The following KCNB2 variants were observed in gnomAD, a reference collection of about 807,000 sequenced individuals.
KCNB2 encodes delayed rectifier potassium channel protein.
A neutral mutation model predicts 61.5 loss-of-function variants in KCNB2; 15 were observed. The ratio of observed to expected loss-of-function variants is 0.24; its 90% CI spans 0.16 to 0.38. The LOEUF (loss-of-function observed/expected upper bound fraction) is 0.38. Ranked by LOEUF, KCNB2 falls within the 10% of genes least tolerant of loss-of-function variation. The pLI, the probability that KCNB2 is intolerant of heterozygous loss-of-function variation, is 1.00. For synonymous variants in KCNB2, 457 were observed against 446.0 expected (o/e 1.02, Z -0.31); for missense variants, 828 against 1,125.2 (o/e 0.74, Z 3.78).
chr8:72,826,332 T>G (rs983789564), intron 2 of KCNB2, among the ~76,000 whole-genome samples: 2 of 152,218 alleles, frequency 1.3e-5, no homozygotes, highest in Non-Finnish European at 2.9e-5. Flanking sequence ...CAAATCCTAC[T>G]GCAGTAGCAG....
chr8:72,860,209 G>A (rs1413252429), intron 2 of KCNB2, among the ~76,000 whole-genome samples: 1 of 152,156 alleles, frequency 6.6e-6, no homozygotes, highest in Non-Finnish European at 1.5e-5. Flanking sequence ...AGGTAGAATT[G>A]TTAGGTCATA....
chr8:72,588,227 T>TTC (rs1251980917), intron 2 of KCNB2, among the ~76,000 whole-genome samples: 1 of 150,580 alleles, frequency 6.6e-6, no homozygotes, highest in Non-Finnish European at 1.5e-5. Flanking sequence ...TCTTTTTTTT[T>TTC]TTTTTTTTGA....
At chr8:72,682,593 TAAAA>T (rs775865289) in intron 2 of KCNB2, among the ~76,000 whole-genome samples, 2 of 133,352 alleles carry the variant, frequency 1.5e-5, no homozygotes, top group Non-Finnish European at 1.6e-5. Flanking sequence ...AAGTTGAATT[TAAAA>T]AAAAAAAAAA....
In KCNB2 at chr8:72,789,347, A is replaced by G. The variant is rs146651914; in HGVS notation, c.580-146588A>G. Among the ~76,000 whole-genome samples the G allele has an allele frequency of 3.3e-3, 500 of 152,318 alleles. 1 individual carries two copies. Among genetic ancestry groups the G allele is most frequent in the Non-Finnish European group, 5.6e-3 (383 of 68,032 alleles). On this transcript the variant is annotated intron_variant, in intron 2 of 2. Coordinates refer to ENST00000523207, the MANE Select transcript of KCNB2 (RefSeq NM_004770.3). Reference sequence around the variant, plus strand: ...GAAAAGCAATAGACCTTAGGTGAGAATTCAGTTGTGTCCAATTCTTGAGTG... The same window carrying G: ...GAAAAGCAATAGACCTTAGGTGAGAGTTCAGTTGTGTCCAATTCTTGAGTG...
intron 2 of KCNB2, among the ~76,000 whole-genome samples, chr8:72,631,697 A>T (rs1563543977): frequency 6.6e-6 from 1 of 152,208 alleles, no homozygotes; most frequent in Non-Finnish European, 1.5e-5. Context: ...GTCACATGCT[A>T]ATATCAATAG....
At chr8:72,763,771 G>T (rs1808421785) in intron 2 of KCNB2, among the ~76,000 whole-genome samples, 1 of 152,122 alleles carries the variant, frequency 6.6e-6, no homozygotes, top group Non-Finnish European at 1.5e-5. Context: ...TATGATAAAA[G>T]ACTAAATACC....
At chr8:72,814,657 T>G (rs1324109337) in intron 2 of KCNB2, among the ~76,000 whole-genome samples, 1 of 152,194 alleles carries the variant, frequency 6.6e-6, no homozygotes, top group Non-Finnish European at 1.5e-5. Flanking sequence ...ACTTCATTAT[T>G]CAGATGATAA....
intron 2 of KCNB2, among the ~76,000 whole-genome samples, chr8:72,593,508 A>T (rs1318332558): frequency 1.3e-5 from 2 of 152,238 alleles, no homozygotes; most frequent in Non-Finnish European, 2.9e-5. Context: ...GTCGGTATTG[A>T]GAAAAGTAGT....
Position 72,936,183 on chromosome 8 carries a change from G to A in KCNB2, c.828G>A (p.Pro276=), listed in dbSNP as rs749539173. The change falls in exon 3 of 3, where the codon CCG becomes CCA. Residue 276 remains proline, a synonymous_variant. Coordinates refer to ENST00000523207, the MANE Select transcript of KCNB2 (RefSeq NM_004770.3). This position sits in a 1 kb window ranked among gnomAD's most constrained non-coding sequence, Gnocchi z 5.6. The part of the protein sequence containing the change: ...LNVIDLLAIL[P]YYVTIFLTES... ...TCATTGATTTGCTGGCCATCTTGCC[G>A]TACTATGTCACCATTTTTCTGACGG... The A allele has an allele frequency of 2.2e-5, 36 of 1,614,064 alleles. No individual in the cohort carries two copies. Among genetic ancestry groups the A allele is most frequent in the South Asian group, 5.5e-5 (5 of 91,092 alleles).
intron 2 of KCNB2, among the ~76,000 whole-genome samples, chr8:72,752,844 A>G (rs192057666): frequency 7.0e-4 from 106 of 152,314 alleles, no homozygotes; most frequent in African/African-American, 2.4e-3. Context: ...AAGATATCAC[A>G]CACACTCTAC....
At chr8:72,895,077 A>G (rs907767201) in intron 2 of KCNB2, among the ~76,000 whole-genome samples, 4 of 152,176 alleles carry the variant, frequency 2.6e-5, no homozygotes, top group Non-Finnish European at 5.9e-5. Context: ...AGTGAACACA[A>G]CAGAATGATA....
chr8:72,752,356 G>A (rs984403312), intron 2 of KCNB2, among the ~76,000 whole-genome samples: 4 of 152,142 alleles, frequency 2.6e-5, no homozygotes, highest in Non-Finnish European at 4.4e-5. Context: ...TTGGTGAGGT[G>A]TTTCTGGAGG....
chr8:72,801,820 G>T (rs538426455), intron 2 of KCNB2, among the ~76,000 whole-genome samples: 2 of 151,340 alleles, frequency 1.3e-5, no homozygotes, highest in Non-Finnish European at 2.9e-5. Context: ...AGAGGGCTAT[G>T]TGACAGAAAA....
intron 2 of KCNB2, among the ~76,000 whole-genome samples, chr8:72,569,380 G>T (rs1270983998): frequency 6.6e-6 from 1 of 152,076 alleles, no homozygotes; most frequent in African/African-American, 2.4e-5. Context: ...TTTTTGACTG[G>T]AAATTAAGAT....
At chr8:72,843,046 C>A (rs1809921566) in intron 2 of KCNB2, among the ~76,000 whole-genome samples, 1 of 152,130 alleles carries the variant, frequency 6.6e-6, no homozygotes, top group South Asian at 2.1e-4. Context: ...AATTTTAGAT[C>A]TTTCCCTCTT....
intron 2 of KCNB2, among the ~76,000 whole-genome samples, chr8:72,725,484 C>G (rs561214508): frequency 2.4e-4 from 34 of 142,844 alleles, no homozygotes; most frequent in African/African-American, 8.7e-4. Flanking sequence ...GGTGGACTGG[C>G]ATATTTGGCT....
At chr8:72,816,437 T>C (rs1261980884) in intron 2 of KCNB2, among the ~76,000 whole-genome samples, 1 of 152,206 alleles carries the variant, frequency 6.6e-6, no homozygotes, top group Non-Finnish European at 1.5e-5. Context: ...AAACAAAATA[T>C]GTTTTGCCTG....
intron 2 of KCNB2, among the ~76,000 whole-genome samples, chr8:72,655,775 A>G (rs920026381): frequency 6.6e-6 from 1 of 152,170 alleles, no homozygotes. Flanking sequence ...AAATTTCACC[A>G]GTCACATTAT....
chr8:72,621,845 G>A (rs1210027621), intron 2 of KCNB2, among the ~76,000 whole-genome samples: 1 of 152,112 alleles, frequency 6.6e-6, no homozygotes, highest in Non-Finnish European at 1.5e-5. Flanking sequence ...TTGAAAAGTT[G>A]TCTCCCAGTT....
Sources: allele counts gnomAD v4.1 joint callset (sites outside exome capture counted in the v4.1 genomes callset), GRCh38; gene constraint gnomAD v4.1.1; non-coding constraint Gnocchi (gnomAD v3.1); transcripts MANE v1.5; gene names NCBI Gene and HGNC (gene_info 2026-07-23, HGNC 2026-07-21).